Variants in ZNF236 observed in about 807,000 individuals in gnomAD.
ZNF236 encodes regulated by glucose.
ZNF236 carries 50 observed loss-of-function variants against 191.2 expected under a neutral mutation model. The ratio of observed to expected loss-of-function variants is 0.26; its 90% CI spans 0.21 to 0.33. The LOEUF is 0.33. Among genes scored for constraint, ZNF236 ranks in the 10% least tolerant of loss-of-function variants. The pLI is 1.00. For missense variants in ZNF236, 1,754 were observed against 2,374.5 expected (o/e 0.74, Z 5.43); for synonymous variants, 907 against 928.8 (o/e 0.98, Z 0.43).
At chr18:76,844,687 G>A (rs1438194414) in intron 1 of ZNF236, among the ~76,000 whole-genome samples, 3 of 152,132 alleles carry the variant, frequency 2.0e-5, no homozygotes, top group Non-Finnish European at 2.9e-5. Flanking sequence ...AGGCCAATTT[G>A]AGTTAAATCC....
intron 27 of ZNF236, among the ~76,000 whole-genome samples, chr18:76,955,666 C>T (rs1019815330): frequency 6.6e-5 from 10 of 152,200 alleles, no homozygotes; most frequent in South Asian, 2.1e-4. Flanking sequence ...GACGCGACCA[C>T]GGACTGGTTA....
chr18:76,931,724 C>G (rs533490281), intron 25 of ZNF236, among the ~76,000 whole-genome samples: 2 of 152,318 alleles, frequency 1.3e-5, no homozygotes, highest in Admixed American at 1.3e-4. Context: ...ACTGCAATTA[C>G]TTTTGCACCA....
At chr18:76,865,718 T>G (rs539633773) in intron 3 of ZNF236, among the ~76,000 whole-genome samples, 1 of 152,264 alleles carries the variant, frequency 6.6e-6, no homozygotes, top group South Asian at 2.1e-4. Flanking sequence ...GGACTAAAAT[T>G]GCTTCCTAAG....
Position 76,881,488 on chromosome 18 carries a change from A to C in ZNF236, c.1393A>C (p.Lys465Gln). The C allele has an allele frequency of 6.2e-7, 1 of 1,612,366 alleles. No homozygotes were observed. Among genetic ancestry groups the C allele is most frequent in the Non-Finnish European group, 8.5e-7 (1 of 1,179,538 alleles). The change falls in exon 9 of 31, where the codon AAG (lysine) becomes CAG (glutamine). Residue 465 changes from lysine to glutamine, a missense_variant. Around this residue, in one of 5 missense-constraint regions of ZNF236, gnomAD observed 126 missense variants for 110.9 expected, o/e 1.14. Transcript: ENST00000320610. ...GGATAAAAAAGAAAAAAAAATGATA[A>C]AGAAGAAGTCACCGTTTCTACCTGG... is the stretch of plus-strand genomic sequence containing the variant. The part of the protein sequence containing the change: ...KLDKKEKKMI[K>Q]KKSPFLPGSI...
At chr18:76,953,936 C>T (rs985220171) in intron 27 of ZNF236, among the ~76,000 whole-genome samples, 2 of 152,156 alleles carry the variant, frequency 1.3e-5, no homozygotes, top group Admixed American at 1.3e-4. Context: ...TGGACATACA[C>T]GCTCCTACCC....
At position 76,910,242 on chromosome 18, in the gene ZNF236, A is replaced by G; in HGVS notation, c.2653+73A>G. On this transcript the variant is annotated intron_variant, in intron 15 of 30. Coordinates refer to ENST00000320610, the MANE Select transcript of ZNF236 (RefSeq NM_001306089.2). ...TTGAATTTAATCTCATGACAACCTT[A>G]CATGTTTTCTCTTAAGGCCCTTCTA... The G allele has an allele frequency of 2.3e-6, 3 of 1,309,378 alleles. 1 individual carries two copies. The highest frequency in any genetic ancestry group is 1.2e-5 in the South Asian group (1 of 80,618). The allele number at this position is 1,309,378 out of a possible 1,614,324, so 81.1% of individuals were successfully genotyped here.
Position 76,951,926 on chromosome 18 carries a change from G to A in ZNF236, c.4915-4059G>A, listed in dbSNP as rs555715034. Among the ~76,000 whole-genome samples the A allele has an allele frequency of 1.1e-4, 17 of 152,316 alleles. No individual in the cohort carries two copies. In the East Asian group the frequency reaches 3.1e-3, roughly 28 times the overall value. On this transcript the variant is annotated intron_variant, in intron 27 of 30. Coordinates refer to ENST00000320610, the MANE Select transcript of ZNF236 (RefSeq NM_001306089.2). ...AGAATAGGGAGGCCCAAGGAGAGGT[G>A]GGATGGCCAGTTGGTGAAGCAGTCA...
intron 13 of ZNF236, among the ~76,000 whole-genome samples, chr18:76,908,058 G>A (rs1298749595): frequency 2.6e-5 from 4 of 152,086 alleles, no homozygotes; most frequent in African/African-American, 9.7e-5. Context: ...AAACTATTAG[G>A]CATTCGGGTG....
chr18:76,882,993 A>G (rs1976940583), intron 9 of ZNF236, among the ~76,000 whole-genome samples: 1 of 152,218 alleles, frequency 6.6e-6, no homozygotes, highest in Non-Finnish European at 1.5e-5. Flanking sequence ...TCACATGGGC[A>G]GCAAGCCACT....
At chr18:76,869,714 G>A (rs1033966316) in intron 4 of ZNF236, among the ~76,000 whole-genome samples, 3 of 152,186 alleles carry the variant, frequency 2.0e-5, no homozygotes, top group Non-Finnish European at 4.4e-5. Context: ...CCAGCACTTT[G>A]GGAGGCCAGG....
At chr18:76,942,299 A>C (rs953196074) in intron 26 of ZNF236, among the ~76,000 whole-genome samples, 1 of 152,208 alleles carries the variant, frequency 6.6e-6, no homozygotes, top group African/African-American at 2.4e-5. Flanking sequence ...GCATGGAAAA[A>C]TAAGAATCTC....
chr18:76,921,526 T>G (rs1967532126), intron 20 of ZNF236, among the ~76,000 whole-genome samples: 1 of 152,150 alleles, frequency 6.6e-6, no homozygotes, highest in East Asian at 1.9e-4. Context: ...TAGGGTGAGA[T>G]AGTTTTCCAG....
intron 17 of ZNF236, among the ~76,000 whole-genome samples, chr18:76,913,484 A>T (rs556393549): frequency 6.6e-6 from 1 of 152,248 alleles, no homozygotes; most frequent in South Asian, 2.1e-4. Context: ...CTGGGGAGTT[A>T]TAGGATTTAC....
chr18:76,878,655 T>C (rs1402815581), intron 7 of ZNF236, among the ~76,000 whole-genome samples: 2 of 151,904 alleles, frequency 1.3e-5, no homozygotes, highest in Non-Finnish European at 2.9e-5. Flanking sequence ...ATACACCCAC[T>C]CTTATTTTTT....
At chr18:76,962,010 CTG>C (rs1238624633) in intron 30 of ZNF236, among the ~76,000 whole-genome samples, 3 of 152,170 alleles carry the variant, frequency 2.0e-5, no homozygotes, top group Non-Finnish European at 4.4e-5. Flanking sequence ...TTCTCCCACT[CTG>C]TGGGTTGTCT....
At chr18:76,827,013 C>G (rs533078368) in intron 1 of ZNF236, among the ~76,000 whole-genome samples, 25 of 152,240 alleles carry the variant, frequency 1.6e-4, no homozygotes, top group African/African-American at 6.0e-4. Flanking sequence ...TCTCCTGCCT[C>G]AGCCTCCTGA....
intron 3 of ZNF236, among the ~76,000 whole-genome samples, chr18:76,855,652 C>T (rs767940145): frequency 1.3e-5 from 2 of 152,132 alleles, no homozygotes; most frequent in African/African-American, 2.4e-5. Context: ...CAGCCTTTTC[C>T]AGACAAAGCT....
In ZNF236 at chr18:76,959,830, A is replaced by C; in HGVS notation, c.5242+14A>C. 1 of 1,611,546 alleles carries C rather than the reference A, an allele frequency of 6.2e-7. No individual in the cohort carries two copies. Among genetic ancestry groups the C allele is most frequent in the Non-Finnish European group, 8.5e-7 (1 of 1,178,558 alleles). On this transcript the variant is annotated intron_variant, in intron 29 of 30. Coordinates refer to ENST00000320610, the MANE Select transcript of ZNF236 (RefSeq NM_001306089.2). ...GCATACATACAGGTAACGGGGAAGG[A>C]CGTGCTTTTGTTTCCTTACTCTTTG...
intron 11 of ZNF236, among the ~76,000 whole-genome samples, chr18:76,901,474 T>A (rs1008448611): frequency 2.6e-5 from 4 of 152,150 alleles, no homozygotes; most frequent in Non-Finnish European, 5.9e-5. Flanking sequence ...AAAACACCAG[T>A]CTGGTTGGGC....
Sources: gnomAD v4.1 joint callset for allele counts (sites outside exome capture counted in the v4.1 genomes callset) on GRCh38, gnomAD v4.1.1 for gene constraint, gnomAD v4.1.1 regional missense constraint, MANE v1.5 for transcripts, NCBI Gene and HGNC (gene_info 2026-07-23, HGNC 2026-07-21) for gene names.